Variants in PKP4 observed in about 807,000 individuals in gnomAD.
The protein encoded by PKP4 is plakophilin 4.
In PKP4, 90 loss-of-function variants were observed where a neutral mutation model predicts 145.1. The observed-to-expected ratio is 0.62, with a 90% confidence interval of 0.52 to 0.74. The LOEUF is 0.74. Ranked by LOEUF, PKP4 falls within the 30% of genes least tolerant of loss-of-function variation. The pLI is 0.00. For synonymous variants in PKP4, 563 were observed against 577.2 expected (o/e 0.98, Z 0.35); for missense variants, 1,340 against 1,482.7 (o/e 0.90, Z 1.58).
At chr2:158,613,500 T>C (rs1433116485) in intron 4 of PKP4, among the ~76,000 whole-genome samples, 1 of 152,048 alleles carries the variant, frequency 6.6e-6, no homozygotes, top group Non-Finnish European at 1.5e-5. Flanking sequence ...CCCTGGGAGT[T>C]TTTTAAAGTT....
intron 2 of PKP4, among the ~76,000 whole-genome samples, chr2:158,554,674 G>A (rs577535111): frequency 4.6e-5 from 7 of 152,148 alleles, no homozygotes; most frequent in Middle Eastern, 3.4e-3. Flanking sequence ...ATCCGCCTGC[G>A]TCAGCCTCCC....
intron 2 of PKP4, among the ~76,000 whole-genome samples, chr2:158,572,118 C>T (rs76806239): frequency 0.024 from 3,697 of 151,988 alleles, 124 homozygotes; most frequent in East Asian, 0.13. Flanking sequence ...CATGCAGGAA[C>T]AGACATGAAA....
intron 7 of PKP4, among the ~76,000 whole-genome samples, chr2:158,628,272 C>T (rs1043444724): frequency 1.3e-5 from 2 of 152,058 alleles, no homozygotes; most frequent in African/African-American, 4.8e-5. Context: ...AGCCACCACA[C>T]CCAGCCCTGA....
At chr2:158,510,649 G>A (rs1381791693) in intron 1 of PKP4, among the ~76,000 whole-genome samples, 1 of 152,232 alleles carries the variant, frequency 6.6e-6, no homozygotes, top group African/African-American at 2.4e-5. Context: ...ACTTGCTTGT[G>A]GGCTTTGAAA....
At chr2:158,568,479 G>T (rs2047175438) in intron 2 of PKP4, among the ~76,000 whole-genome samples, 1 of 152,234 alleles carries the variant, frequency 6.6e-6, no homozygotes. Flanking sequence ...AGGTGGGGAA[G>T]TATGGGAGAG....
intron 2 of PKP4, among the ~76,000 whole-genome samples, chr2:158,534,820 T>TC (rs1345676005): frequency 6.6e-6 from 1 of 152,194 alleles, no homozygotes; most frequent in Non-Finnish European, 1.5e-5. Context: ...AATTTTATCT[T>TC]CTGGCAGTAA....
intron 3 of PKP4, among the ~76,000 whole-genome samples, chr2:158,598,449 A>G (rs569803028): frequency 6.6e-6 from 1 of 152,136 alleles, no homozygotes; most frequent in Non-Finnish European, 1.5e-5. Flanking sequence ...TTGGGTACCA[A>G]CTTAAGTAAA....
intron 2 of PKP4, among the ~76,000 whole-genome samples, chr2:158,536,827 T>C (rs1457245687): frequency 6.6e-6 from 1 of 152,202 alleles, no homozygotes; most frequent in African/African-American, 2.4e-5. Context: ...CGCTGCGTTT[T>C]TGATGAAACA....
intron 1 of PKP4, among the ~76,000 whole-genome samples, chr2:158,528,386 A>C (rs1385319344): frequency 4.4e-5 from 5 of 113,088 alleles, no homozygotes; most frequent in African/African-American, 6.3e-5. Context: ...CTATCGCAAG[A>C]ACAAAAAACC....
chr2:158,657,904 C>G (rs1446746622), intron 11 of PKP4, among the ~76,000 whole-genome samples: 1 of 151,982 alleles, frequency 6.6e-6, no homozygotes, highest in Non-Finnish European at 1.5e-5. Flanking sequence ...TAATATTCAC[C>G]CTCTAAAATC....
chr2:158,574,731 A>C (rs2047699474), intron 2 of PKP4, among the ~76,000 whole-genome samples: 1 of 152,222 alleles, frequency 6.6e-6, no homozygotes, highest in Admixed American at 6.5e-5. Context: ...TTAATGAAGT[A>C]CTACTTGTGA....
chr2:158,601,643 G>A (rs1395927935), intron 3 of PKP4, among the ~76,000 whole-genome samples: 1 of 152,154 alleles, frequency 6.6e-6, no homozygotes, highest in East Asian at 1.9e-4. Flanking sequence ...CAGAGCCCTG[G>A]AGGAGATTAG....
At chr2:158,473,354 C>G (rs1000157535) in intron 1 of PKP4, among the ~76,000 whole-genome samples, 3 of 152,144 alleles carry the variant, frequency 2.0e-5, no homozygotes, top group African/African-American at 7.2e-5. Flanking sequence ...AAGACACATG[C>G]ACACAGATGT....
In PKP4 at chr2:158,666,461, A is replaced by T. The variant is rs368465394; in HGVS notation, c.2626A>T (p.Ile876Phe). 2 of 1,612,032 alleles carry T rather than the reference A, an allele frequency of 1.2e-6. No individual in the cohort carries two copies. The highest frequency in any genetic ancestry group is 1.7e-6 in the Non-Finnish European group (2 of 1,179,400). Residue 876 changes from isoleucine (I) to phenylalanine (F), a missense_variant, in exon 16 of 22, where the codon ATC (isoleucine) becomes TTC (phenylalanine). By Grantham distance (21) the Ile-to-Phe change is conservative. Transcript: ENST00000389759. ...CGTCCGAAAAGAAAAGGGGCTCCCC[A>T]TCCTTGTGGAGCTTCTGAGAATGGA... ...AAVRKEKGLP[I>F]LVELLRMDND...
At chr2:158,673,464 G>A (rs1400880632) in intron 17 of PKP4, among the ~76,000 whole-genome samples, 1 of 152,200 alleles carries the variant, frequency 6.6e-6, no homozygotes, top group Non-Finnish European at 1.5e-5. Flanking sequence ...ACTGCCTGAT[G>A]GCCTCACTTC....
intron 2 of PKP4, among the ~76,000 whole-genome samples, chr2:158,568,982 G>A (rs1184841442): frequency 2.0e-5 from 3 of 151,946 alleles, no homozygotes; most frequent in African/African-American, 7.3e-5. Flanking sequence ...CCAAAAAAAA[G>A]CCATCCGTGT....
At chr2:158,643,160 C>T (rs1186935785) in intron 11 of PKP4, among the ~76,000 whole-genome samples, 5 of 152,126 alleles carry the variant, frequency 3.3e-5, no homozygotes, top group East Asian at 3.9e-4. Flanking sequence ...TCAGTGCCTG[C>T]GCTTAAGTCA....
chr2:158,628,633 G>T (rs754049434), intron 7 of PKP4, among the ~76,000 whole-genome samples: 77 of 152,198 alleles, frequency 5.1e-4, no homozygotes, highest in African/African-American at 1.8e-3. Context: ...AACATCTGCT[G>T]GTTATTTTTT....
chr2:158,522,815 C>T (rs1380607526), intron 1 of PKP4, among the ~76,000 whole-genome samples: 4 of 152,208 alleles, frequency 2.6e-5, no homozygotes, highest in African/African-American at 7.2e-5. Flanking sequence ...ATTGCCTCAC[C>T]TGGGAAGCGC....
Sources: gnomAD v4.1 joint callset for allele counts (sites outside exome capture counted in the v4.1 genomes callset) on GRCh38, gnomAD v4.1.1 for gene constraint, MANE v1.5 for transcripts, NCBI Gene and HGNC (gene_info 2026-07-23, HGNC 2026-07-21) for gene names.